The following ALDH1L1 variants were observed in gnomAD, a reference collection of about 807,000 sequenced individuals.
ALDH1L1 encodes the protein cytosolic 10-formyltetrahydrofolate dehydrogenase.
ALDH1L1 carries 68 observed loss-of-function variants against 101.1 expected under a neutral mutation model. The observed-to-expected ratio is 0.67, with a 90% CI of 0.55 to 0.82. The LOEUF is 0.82. ALDH1L1 is among the 40% of genes least tolerant of loss of function. The pLI, the probability that ALDH1L1 is intolerant of heterozygous loss-of-function variation, is 0.00. For missense variants in ALDH1L1, 1,087 were observed against 1,172.7 expected, an observed-to-expected ratio of 0.93 and a Z score of 1.07; for synonymous variants, 486 against 470.8, an observed-to-expected ratio of 1.03 and a Z score of -0.42.
chr3:126,111,850 C>T (rs1216973222), intron 19 of ALDH1L1, among the ~76,000 whole-genome samples: 3 of 152,276 alleles, frequency 2.0e-5, no homozygotes, highest in Non-Finnish European at 2.9e-5. Flanking sequence ...CGGTGCTCTT[C>T]GCGGAAGCTA....
intron 9 of ALDH1L1, among the ~76,000 whole-genome samples, chr3:126,142,072 T>C (rs189183106): frequency 2.2e-3 from 334 of 150,414 alleles, no homozygotes; most frequent in Non-Finnish European, 3.6e-3. Context: ...TGATAAATTA[T>C]ATGGCAACAG....
Position 126,146,902 on chromosome 3 carries a change from T to C in ALDH1L1, c.1009A>G (p.Lys337Glu). 6.2e-7 allele frequency: 1 copy of C among 1,613,954 alleles called. No homozygotes were observed. Among genetic ancestry groups the C allele is most frequent in the South Asian group, 1.1e-5 (1 of 91,000 alleles). ...VRSVWQRILP[K>E]VLEVEDSTDF... The stretch of plus-strand genomic sequence containing the variant: ...GTGGAGTCTTCAACCTCCAGGACTT[T>C]GGGGAGGATCCGCTGCCAAACACTC... Residue 337 changes from lysine (K) to glutamate (E), a missense_variant, in exon 9 of 23, where the codon AAA becomes GAA. Transcript: ENST00000393434.
At chr3:126,190,245 A>C (rs1407166179) in intron 1 of ALDH1L1, among the ~76,000 whole-genome samples, 1 of 152,244 alleles carries the variant, frequency 6.6e-6, no homozygotes, top group Non-Finnish European at 1.5e-5. Flanking sequence ...CAAATGGTTC[A>C]TCATGTGGTA....
rs1264819028 is a variant in ALDH1L1, at chr3:126,158,450, T to C, written c.317A>G (p.His106Arg). The C allele has an allele frequency of 6.2e-7, 1 of 1,612,312 alleles. No homozygotes were observed. Among genetic ancestry groups the C allele is most frequent in the Non-Finnish European group, 8.5e-7 (1 of 1,179,112 alleles). ...TCGGTGCCTAGGGAGCAGTGACGGGTGATAGATGATGGAGCCATGCCGGGG... is the reference window on the plus strand; with the variant it reads ...TCGGTGCCTAGGGAGCAGTGACGGGCGATAGATGATGGAGCCATGCCGGGG... ...SAPRHGSIIY[H>R]PSLLPRHRGA... is the part of the protein sequence containing the mutation. The change falls in exon 3 of 23, where the codon CAC becomes CGC. Residue 106 changes from histidine to arginine, a missense_variant. This residue lies in a region of ALDH1L1 where 645 missense variants were observed against 637.0 expected (regional missense o/e 1.01). Transcript: ENST00000393434.
chr3:126,192,743 G>A (rs900649014), intron 1 of ALDH1L1, among the ~76,000 whole-genome samples: 1 of 152,170 alleles, frequency 6.6e-6, no homozygotes, highest in Non-Finnish European at 1.5e-5. Flanking sequence ...CCACAGAAAT[G>A]ACCTTTCCAC....
intron 17 of ALDH1L1, 52 bp from the exon 18 acceptor site, chr3:126,114,708 C>T (rs1357392136): frequency 6.5e-7 from 1 of 1,539,460 alleles, no homozygotes. Flanking sequence ...CAGGTAGGGG[C>T]ATTGGGACCC....
At position 126,127,441 on chromosome 3, in the gene ALDH1L1, T is replaced by C. The variant is rs188529734; in HGVS notation, c.1695-1720A>G. Among the ~76,000 whole-genome samples the C allele has an allele frequency of 6.6e-5, 10 of 152,258 alleles. No homozygotes were observed. The East Asian group carries it at 1.7e-3, about 26-fold the overall frequency. On this transcript the variant is annotated intron_variant, in intron 14 of 22. Transcript: ENST00000393434. ...GGGCCATTCTCCTGCTGTGCGGCCC[T>C]GAGCCCCCTCCTCTGCCCTCTGACG...
At chr3:126,117,962 A>G in intron 17 of ALDH1L1, 43 bp downstream of exon 17, 2 of 1,545,474 alleles carry the variant, frequency 1.3e-6, no homozygotes, top group Non-Finnish European at 1.8e-6. Context: ...TCCCAGGCGC[A>G]GCCCACAGCA....
At chr3:126,127,654 G>A (rs2080217346) in intron 14 of ALDH1L1, among the ~76,000 whole-genome samples, 1 of 152,318 alleles carries the variant, frequency 6.6e-6, no homozygotes. Context: ...TCCCCACGAG[G>A]CAGCTGCAGC....
chr3:126,119,972 T>C (rs2080046226), intron 16 of ALDH1L1, among the ~76,000 whole-genome samples: 1 of 152,244 alleles, frequency 6.6e-6, no homozygotes, highest in African/African-American at 2.4e-5. Flanking sequence ...ACAACACTGA[T>C]GATGCCAGAT....
intron 1 of ALDH1L1, among the ~76,000 whole-genome samples, chr3:126,196,836 C>T (rs9861327): frequency 0.18 from 27,662 of 152,168 alleles, 2,622 homozygotes; most frequent in South Asian, 0.21. Flanking sequence ...GGAATCAAAC[C>T]CAGGCCACCA....
intron 1 of ALDH1L1, among the ~76,000 whole-genome samples, chr3:126,165,676 A>G (rs566902666): frequency 1.3e-5 from 2 of 152,186 alleles, no homozygotes; most frequent in South Asian, 4.1e-4. Flanking sequence ...CTAGGAATTT[A>G]TCCATTTCCT....
At chr3:126,149,234 T>C (rs374083359) in intron 8 of ALDH1L1, among the ~76,000 whole-genome samples, 3 of 152,252 alleles carry the variant, frequency 2.0e-5, no homozygotes, top group African/African-American at 7.2e-5. Flanking sequence ...GTATTGCCGA[T>C]GTGTACTGAG....
At chr3:126,164,550 C>T (rs962076494) in intron 1 of ALDH1L1, among the ~76,000 whole-genome samples, 1 of 152,194 alleles carries the variant, frequency 6.6e-6, no homozygotes, top group Non-Finnish European at 1.5e-5. Context: ...AAAAGACATG[C>T]TTTCACTCCT....
At chr3:126,167,809 C>T (rs560357284) in intron 1 of ALDH1L1, among the ~76,000 whole-genome samples, 3 of 152,230 alleles carry the variant, frequency 2.0e-5, no homozygotes, top group African/African-American at 7.2e-5. Context: ...TCTACCTAAG[C>T]ACTCACCTTG....
At chr3:126,157,210 A>T in intron 4 of ALDH1L1, 133 bp downstream of exon 4, 1 of 1,113,054 alleles carries the variant, frequency 9.0e-7, no homozygotes, top group Non-Finnish European at 1.3e-6. Context: ...CCTTGAAGTG[A>T]GAGCTCCTCT....
rs367826323 is a variant in ALDH1L1, at chr3:126,136,898, C to A, written c.1225-15G>T. ...GCCATTTCCACCTGAAAGAAAGGCC[C>A]CAGTGACAAGCACAAACCCATGCAG... On this transcript the variant is annotated splice_polypyrimidine_tract_variant and intron_variant, in intron 10 of 22. Coordinates refer to ENST00000393434, the MANE Select transcript of ALDH1L1 (RefSeq NM_012190.4). 9 of 1,613,432 alleles carry A rather than the reference C, an allele frequency of 5.6e-6. No homozygotes were observed. In the African/African-American group the frequency reaches 1.2e-4, roughly 22 times the overall value.
At chr3:126,188,420 A>G (rs1355705203) in intron 1 of ALDH1L1, among the ~76,000 whole-genome samples, 6 of 152,216 alleles carry the variant, frequency 3.9e-5, no homozygotes, top group African/African-American at 1.2e-4. Context: ...AATGCCTTGC[A>G]GATACCGAGA....
rs1946029409 is a variant in ALDH1L1, at chr3:126,110,057, T to C, written c.2234A>G (p.Asp745Gly). Residue 745 changes from aspartate (D) to glycine (G), a missense_variant, in exon 20 of 23, where the codon GAC becomes GGC. By Grantham distance (94) the Asp-to-Gly change is moderately conservative. This residue lies in a region of ALDH1L1 where 442 missense variants were observed against 535.7 expected (regional missense o/e 0.83). Transcript: ENST00000393434. ...GGCATGGTGATTCTGCGGCCCGTGG[T>C]CGGTGTCCCTGTCCAGCGGGTTGCC... ...KVGNPLDRDT[D>G]HGPQNHHAHL... The C allele has an allele frequency of 1.2e-6, 2 of 1,614,090 alleles. No homozygotes were observed. The highest frequency in any genetic ancestry group is 2.2e-5 in the South Asian group (2 of 91,088).
Sources: allele counts gnomAD v4.1 joint callset (sites outside exome capture counted in the v4.1 genomes callset), GRCh38; gene constraint gnomAD v4.1.1; regional missense constraint gnomAD v4.1.1; transcripts MANE v1.5; gene names NCBI Gene and HGNC (gene_info 2026-07-23, HGNC 2026-07-21).